Variants in NCOR2 observed in about 807,000 individuals in gnomAD.
NCOR2 encodes the protein CTG repeat protein 26.
A neutral mutation model predicts 262.9 loss-of-function variants in NCOR2; 81 were observed. The observed-to-expected ratio is 0.31, with a 90% CI of 0.26 to 0.37. The LOEUF (loss-of-function observed/expected upper bound fraction) is 0.37, where lower values mean the gene tolerates loss of function less well. NCOR2 is among the 10% of genes least tolerant of loss of function. The pLI, the probability that NCOR2 is intolerant of heterozygous loss-of-function variation, is 1.00. For synonymous variants in NCOR2, 1,659 were observed against 1,559.3 expected (o/e 1.06, Z -1.51); for missense variants, 3,385 against 3,621.4 (o/e 0.93, Z 1.68).
rs555993955 is a variant in NCOR2 at position 124,328,475 on chromosome 12, G to A, written c.6959-842C>T. On this transcript the variant is annotated intron_variant, in intron 44 of 46. Coordinates refer to ENST00000405201, the Ensembl canonical transcript of NCOR2. ...AACCGGTCCCAAGAGGATGCTTCCA[G>A]AACACCTCCTGACAATCGGGGAAAC... 2.0e-5 allele frequency: 3 copies of A among 152,634 alleles called. No homozygotes were observed. The East Asian group carries it at 5.8e-4, about 29-fold the overall frequency. The allele number at this position is 152,634 out of a possible 1,614,324, so 9.5% of individuals were successfully genotyped here.
intron 43 of NCOR2, 97 bp downstream of exon 45, chr12:124,332,222 A>C (rs1593080752): frequency 6.8e-7 from 1 of 1,480,716 alleles, no homozygotes; most frequent in Non-Finnish European, 9.3e-7. Flanking sequence ...TCGAAGGTGC[A>C]CCGTGGGTTT....
In NCOR2 at chr12:124,335,299, T is replaced by G; in HGVS notation, c.6266-19A>C. On this transcript the variant is annotated intron_variant, in intron 39 of 46. Coordinates refer to ENST00000405201, the Ensembl canonical transcript of NCOR2. ...ACGGGGCCTGCAGGCAGAGCAGAGC[T>G]GGTCAGGGGGTGTCTGCTGGCCCCA... 6.4e-7 allele frequency: 1 copy of G among 1,569,770 alleles called. No individual in the cohort carries two copies.
intron 6 of NCOR2, among the ~76,000 whole-genome samples, chr12:124,451,217 A>C (rs1036301564): frequency 6.6e-6 from 1 of 152,140 alleles, no homozygotes; most frequent in Non-Finnish European, 1.5e-5. Flanking sequence ...CTGATCTACA[A>C]CGCCGGCCCC....
intron 1 of NCOR2, chr12:124,562,253 G>A (rs1394464991): frequency 6.6e-6 from 1 of 152,216 alleles, no homozygotes; most frequent in Non-Finnish European, 1.5e-5. Flanking sequence ...CCGAGTGACA[G>A]GCACCTAGTG....
Position 124,438,555 on chromosome 12 carries a change from C to CG in NCOR2, c.816-560dup, listed in dbSNP as rs1491435689. Among the ~76,000 whole-genome samples the CG allele has an allele frequency of 3.1e-3, 433 of 140,006 alleles. 1 individual carries two copies. Among genetic ancestry groups the CG allele is most frequent in the Middle Eastern group, 3.7e-3 (1 of 272 alleles). 91.8% of individuals were successfully genotyped at this position (140,006 alleles called of 152,430 possible). ...CCAGGCATGGACTTCAGGAAACCCC[C>CG]GGGCGGGGGCGGTCTCAGACTTCAG... On this transcript the variant is annotated intron_variant, in intron 7 of 46. Transcript: ENST00000405201.
Position 124,325,383 on chromosome 12 carries a change from C to CG in NCOR2, c.*18_*19insC, listed in dbSNP as rs2034536286. The CG allele has an allele frequency of 1.4e-5, 6 of 439,938 alleles. 1 individual carries two copies. Among genetic ancestry groups the CG allele is most frequent in the Non-Finnish European group, 2.1e-5 (6 of 284,808 alleles). 27.3% of individuals were successfully genotyped at this position (439,938 alleles called of 1,614,324 possible). A position where few individuals can be genotyped will look rare whatever the true frequency, so the allele number is the denominator to read the frequency against. On this transcript the variant is annotated 3_prime_UTR_variant, in exon 47 of 47. Coordinates refer to ENST00000405201, the Ensembl canonical transcript of NCOR2. Reference sequence around the variant, plus strand: ...CTCGCTGGGACCTGACACCGCCCCCCCCCCCGCCCTGTTCTGAGTCACTCG... The same window carrying CG: ...CTCGCTGGGACCTGACACCGCCCCCCGCCCCCGCCCTGTTCTGAGTCACTCG...
intron 12 of NCOR2, among the ~76,000 whole-genome samples, chr12:124,421,630 G>A (rs947980860): frequency 6.6e-6 from 1 of 152,304 alleles, no homozygotes; most frequent in South Asian, 2.1e-4. Flanking sequence ...CAGGAAGCCC[G>A]AGCAGGGTGT....
intron 13 of NCOR2, among the ~76,000 whole-genome samples, chr12:124,416,548 G>C (rs1374119954): frequency 2.0e-5 from 3 of 147,280 alleles, no homozygotes; most frequent in East Asian, 4.1e-4. Context: ...CGCGGCACAG[G>C]GAGACCCGCG....
intron 43 of NCOR2, among the ~76,000 whole-genome samples, chr12:124,331,122 G>C (rs2035153368): frequency 6.7e-6 from 1 of 148,544 alleles, no homozygotes; most frequent in South Asian, 2.1e-4. Context: ...GAGTGCAGTT[G>C]TGCAATCTCG....
chr12:124,466,118 T>A lies in NCOR2; in HGVS notation c.705+55A>T, dbSNP rs927574726. 7.3e-6 allele frequency: 11 copies of A among 1,509,338 alleles called. No individual in the cohort carries two copies. The Admixed American group carries it at 2.2e-4, about 30-fold the overall frequency. 93.5% of individuals were successfully genotyped at this position (1,509,338 alleles called of 1,614,324 possible). A position where few individuals can be genotyped will look rare whatever the true frequency, so the allele number is the denominator to read the frequency against. On this transcript the variant is annotated intron_variant, in intron 5 of 46. Transcript: ENST00000405201. ...GAGGCCTGATTCATGGTGCCCCCTGTGAAGCGCCTCATGGCCAGCACCGGG... is the reference window on the plus strand; with the variant it reads ...GAGGCCTGATTCATGGTGCCCCCTGAGAAGCGCCTCATGGCCAGCACCGGG...
intron 1 of NCOR2, among the ~76,000 whole-genome samples, chr12:124,515,065 A>G (rs1228111230): frequency 6.6e-6 from 1 of 152,128 alleles, no homozygotes; most frequent in African/African-American, 2.4e-5. Context: ...CAGGCCCTGC[A>G]GGCACCACGT....
At chr12:124,464,422 C>G (rs753988421) in intron 5 of NCOR2, among the ~76,000 whole-genome samples, 1 of 152,202 alleles carries the variant, frequency 6.6e-6, no homozygotes, top group African/African-American at 2.4e-5. Context: ...CCACTTTGGG[C>G]TCCTGGAGCC....
chr12:124,402,425 T>C, exon 14 of NCOR2: 1 of 1,614,120 alleles, frequency 6.2e-7, no homozygotes, highest in Non-Finnish European at 8.5e-7. Context: ...TTCCTTGTCG[T>C]TCTCCACCTC....
intron 16 of NCOR2, among the ~76,000 whole-genome samples, chr12:124,394,400 A>C (rs1038942937): frequency 6.6e-6 from 1 of 152,182 alleles, no homozygotes; most frequent in Non-Finnish European, 1.5e-5. Context: ...TCTTCTGTGT[A>C]CTTTCACCAA....
At chr12:124,364,036 C>A (rs2135976463) in intron 20 of NCOR2, among the ~76,000 whole-genome samples, 1 of 152,290 alleles carries the variant, frequency 6.6e-6, no homozygotes, top group African/African-American at 2.4e-5. Context: ...AGTGCCTCCT[C>A]ACTCACTCCC....
chr12:124,347,915 G>T lies in NCOR2; in HGVS notation c.3986-4C>A. On this transcript the variant is annotated splice_region_variant and splice_polypyrimidine_tract_variant and intron_variant, in intron 29 of 46. Coordinates refer to ENST00000405201, the Ensembl canonical transcript of NCOR2. ...GGGATGGCACGGCCCATGAGACCTG[G>T]GTAGGAGAGGGTGAGGCCATCATTC... The T allele has an allele frequency of 1.3e-6, 2 of 1,556,532 alleles. No individual in the cohort carries two copies. Among genetic ancestry groups the T allele is most frequent in the East Asian group, 2.4e-5 (1 of 41,460 alleles).
intron 37 of NCOR2, among the ~76,000 whole-genome samples, chr12:124,338,054 CA>C (rs569311903): frequency 8.5e-5 from 13 of 152,352 alleles, no homozygotes; most frequent in Non-Finnish European, 1.5e-4. Flanking sequence ...GGGTCTGAGT[CA>C]GGGGTGACAA....
At position 124,389,426 on chromosome 12, in the gene NCOR2, C is replaced by T. The variant is rs748082962; in HGVS notation, c.1877-3539G>A. ...GGGGCGGGCCAACTTGGCACTGGCT[C>T]CCCCTCCCTCTCTCCCCATCCGCGG... On this transcript the variant is annotated intron_variant, in intron 16 of 46. Coordinates refer to ENST00000405201, the Ensembl canonical transcript of NCOR2. The surrounding 1 kb of genome is among the most constrained non-coding windows in gnomAD (Gnocchi z 4.4). 1.3e-5 allele frequency among the ~76,000 whole-genome samples: 2 copies of T among 152,162 alleles called. No individual in the cohort carries two copies. Among genetic ancestry groups the T allele is most frequent in the Non-Finnish European group, 2.9e-5 (2 of 68,026 alleles).
intron 1 of NCOR2, among the ~76,000 whole-genome samples, chr12:124,564,553 C>T (rs1313971076): frequency 7.6e-6 from 1 of 132,216 alleles, no homozygotes; most frequent in Admixed American, 7.8e-5. Context: ...GGCCCACGGT[C>T]AGAGGCAGCA....
Sources: allele counts gnomAD v4.1 joint callset (sites outside exome capture counted in the v4.1 genomes callset), GRCh38; gene constraint gnomAD v4.1.1; non-coding constraint Gnocchi (gnomAD v3.1); transcripts MANE v1.5; gene names NCBI Gene and HGNC (gene_info 2026-07-23, HGNC 2026-07-21).